The following FCHSD2 variants were observed in gnomAD, a reference collection of about 807,000 sequenced individuals.
FCHSD2 encodes the protein FCH and double SH3 domains 2.
FCHSD2 carries 38 observed loss-of-function variants against 108.1 expected under a neutral mutation model. The observed-to-expected ratio is 0.35, with a 90% confidence interval of 0.27 to 0.46. FCHSD2 has a LOEUF of 0.46. Among genes scored for constraint, FCHSD2 ranks in the 20% least tolerant of loss-of-function variants. The probability of loss-of-function intolerance (pLI) is 1.00; values close to 1 mark genes in which losing one functional copy is unlikely to be tolerated. For missense variants in FCHSD2, 751 were observed against 897.8 expected (o/e 0.84, Z 2.09); for synonymous variants, 279 against 314.7 (o/e 0.89, Z 1.20).
intron 3 of FCHSD2, among the ~76,000 whole-genome samples, chr11:73,027,861 G>C (rs958414590): frequency 6.6e-6 from 1 of 152,266 alleles, no homozygotes; most frequent in Non-Finnish European, 1.5e-5. Flanking sequence ...TACAGCTCGA[G>C]CTGTTGCTTC....
At chr11:72,999,272 T>C (rs1857577641) in intron 5 of FCHSD2, among the ~76,000 whole-genome samples, 2 of 151,972 alleles carry the variant, frequency 1.3e-5, no homozygotes, top group African/African-American at 4.8e-5. Context: ...ATAAAACAAG[T>C]TAATTCACAG....
intron 3 of FCHSD2, among the ~76,000 whole-genome samples, chr11:73,058,387 T>C (rs1004428582): frequency 6.6e-6 from 1 of 152,158 alleles, no homozygotes; most frequent in African/African-American, 2.4e-5. Context: ...TGACATGGTA[T>C]GGCTAGATGT....
chr11:72,838,510 G>A lies in FCHSD2; in HGVS notation c.*281C>T. 2.1e-6 allele frequency: 1 copy of A among 480,528 alleles called. No homozygotes were observed. The highest frequency in any genetic ancestry group is 3.8e-6 in the Non-Finnish European group (1 of 263,176). The allele number at this position is 480,528 out of a possible 1,614,324, so 29.8% of individuals were successfully genotyped here. ...TGTTCTTGAGTCTCATATAAAAACA[G>A]ACCACTGTTAGGCATGAGGGCTGCC... On this transcript the variant is annotated 3_prime_UTR_variant, in exon 20 of 20. Transcript: ENST00000409418.
intron 3 of FCHSD2, among the ~76,000 whole-genome samples, chr11:73,024,748 A>G (rs1276569264): frequency 1.3e-5 from 2 of 152,172 alleles, no homozygotes; most frequent in Non-Finnish European, 2.9e-5. Context: ...GCATCCCACA[A>G]AGGTCTAATA....
intron 8 of FCHSD2, among the ~76,000 whole-genome samples, chr11:72,943,463 C>G (rs769047207): frequency 1.3e-5 from 2 of 152,014 alleles, no homozygotes; most frequent in Non-Finnish European, 2.9e-5. Context: ...AAAGACAGCA[C>G]AGAACAATAT....
chr11:73,113,681 C>T (rs577542402), intron 2 of FCHSD2, among the ~76,000 whole-genome samples: 162 of 152,228 alleles, frequency 1.1e-3, no homozygotes, highest in Middle Eastern at 3.4e-3. Context: ...ACCCGTCCTT[C>T]TTGGGAAAGT....
At position 73,123,792 on chromosome 11, in the gene FCHSD2, G is replaced by A. The variant is rs116002987; in HGVS notation, c.119+16239C>T. Among the ~76,000 whole-genome samples the A allele has an allele frequency of 7.7e-3, 1,174 of 152,214 alleles. 14 individuals carry two copies. The highest frequency in any genetic ancestry group is 0.026 in the African/African-American group (1,099 of 41,536). On this transcript the variant is annotated intron_variant, in intron 2 of 19. Coordinates refer to ENST00000409418, the MANE Select transcript of FCHSD2 (RefSeq NM_014824.3). ...AGAGCTGCCTTTTCTCTAGTTACAG[G>A]TGCTGGCCAACTGACTCTTACTTAA...
In FCHSD2 at chr11:72,921,808, T is replaced by C. The variant is rs751205781; in HGVS notation, c.828+20A>G. On this transcript the variant is annotated intron_variant, in intron 9 of 19. Coordinates refer to ENST00000409418, the MANE Select transcript of FCHSD2 (RefSeq NM_014824.3). ...CTTCTAAGTTGGATAACACTACACG[T>C]TGCACTAAAGGTAACTTACCTTGCT... The C allele has an allele frequency of 6.2e-7, 1 of 1,601,902 alleles. No individual in the cohort carries two copies. The highest frequency in any genetic ancestry group is 1.1e-5 in the South Asian group (1 of 90,240).
At chr11:73,026,479 G>A (rs919830355) in intron 3 of FCHSD2, among the ~76,000 whole-genome samples, 11 of 151,950 alleles carry the variant, frequency 7.2e-5, no homozygotes, top group African/African-American at 2.7e-4. Context: ...TTAAATATAT[G>A]CAATAAAATT....
chr11:72,925,944 C>G (rs1856067047), intron 8 of FCHSD2, among the ~76,000 whole-genome samples: 1 of 152,222 alleles, frequency 6.6e-6, no homozygotes, highest in Admixed American at 6.5e-5. Context: ...GCTGACCAAT[C>G]TGCAGCTGTG....
intron 8 of FCHSD2, among the ~76,000 whole-genome samples, chr11:72,932,607 G>A (rs1046723338): frequency 5.9e-5 from 9 of 152,096 alleles, no homozygotes; most frequent in African/African-American, 2.2e-4. Context: ...TCTCTCCCAT[G>A]GTTTGGCTCA....
chr11:72,981,305 G>T (rs537789217), intron 8 of FCHSD2, among the ~76,000 whole-genome samples: 13 of 152,108 alleles, frequency 8.5e-5, no homozygotes, highest in Non-Finnish European at 1.9e-4. Context: ...TATGCATAAA[G>T]ACTTCAAAGT....
intron 9 of FCHSD2, among the ~76,000 whole-genome samples, chr11:72,911,975 G>A (rs572417732): frequency 5.9e-5 from 9 of 152,266 alleles, no homozygotes; most frequent in East Asian, 3.9e-4. Context: ...ATATAGAAAT[G>A]CTACTTATTT....
intron 13 of FCHSD2, among the ~76,000 whole-genome samples, chr11:72,852,925 T>C (rs1861329570): frequency 6.6e-6 from 1 of 151,878 alleles, no homozygotes; most frequent in African/African-American, 2.4e-5. Flanking sequence ...CACTAATAAG[T>C]GGGAGCTAAA....
At chr11:72,993,853 C>G (rs574329180) in intron 5 of FCHSD2, among the ~76,000 whole-genome samples, 54 of 152,042 alleles carry the variant, frequency 3.6e-4, no homozygotes, top group Non-Finnish European at 6.5e-4. Flanking sequence ...GCACTGTATA[C>G]ATATGTAACT....
chr11:72,995,719 A>G (rs1857508018), intron 5 of FCHSD2, among the ~76,000 whole-genome samples: 1 of 151,898 alleles, frequency 6.6e-6, no homozygotes, highest in Non-Finnish European at 1.5e-5. Flanking sequence ...AAAAAAAAAA[A>G]AAAAAGGAAG....
chr11:72,992,344 A>G (rs1334345714), intron 5 of FCHSD2, among the ~76,000 whole-genome samples: 1 of 152,182 alleles, frequency 6.6e-6, no homozygotes, highest in Non-Finnish European at 1.5e-5. Context: ...TGCCCAAGGT[A>G]ATTTATAGAT....
At position 72,843,499 on chromosome 11, in the gene FCHSD2, GTTCC is replaced by G; in HGVS notation, c.1473_1476del (p.Glu491AspfsTer5). 1 of 1,613,768 alleles carries G rather than the reference GTTCC, an allele frequency of 6.2e-7. No individual in the cohort carries two copies. Among genetic ancestry groups the G allele is most frequent in the Non-Finnish European group, 8.5e-7 (1 of 1,179,704 alleles). On this transcript the variant is annotated frameshift_variant, in exon 15 of 20. Coordinates refer to ENST00000409418, the MANE Select transcript of FCHSD2 (RefSeq NM_014824.3). LOFTEE classifies it high-confidence loss of function. ...TCTTCAATCACTTCTAACACCTCATGTTCCTCAATGGTCAACTCATCTGGTTGAG... is the reference window on the plus strand; with the variant it reads ...TCTTCAATCACTTCTAACACCTCATGTCAATGGTCAACTCATCTGGTTGAG...
intron 13 of FCHSD2, among the ~76,000 whole-genome samples, chr11:72,855,160 C>T (rs894225186): frequency 6.6e-6 from 1 of 152,208 alleles, no homozygotes; most frequent in East Asian, 1.9e-4. Flanking sequence ...ATAACCCCAG[C>T]TACTCAGGAG....
Sources: gnomAD v4.1 joint callset for allele counts (sites outside exome capture counted in the v4.1 genomes callset) on GRCh38, gnomAD v4.1.1 for gene constraint, MANE v1.5 for transcripts, NCBI Gene and HGNC (gene_info 2026-07-23, HGNC 2026-07-21) for gene names.